UBE2L6: variants seen among roughly 807,000 people sequenced by gnomAD.
UBE2L6 encodes ubiquitin conjugating enzyme E2 L6.
A neutral mutation model predicts 13.6 loss-of-function variants in UBE2L6; 11 were observed. The ratio of observed to expected loss-of-function variants is 0.81; its 90% CI spans 0.51 to 1.34. The LOEUF is 1.34. Ranked by LOEUF, UBE2L6 falls within the 40% of genes most tolerant of loss-of-function variation. The probability of loss-of-function intolerance (pLI) is 0.00; values close to 1 mark genes in which losing one functional copy is unlikely to be tolerated. For missense variants in UBE2L6, 197 were observed against 199.5 expected (o/e 0.99, Z 0.07); for synonymous variants, 74 against 83.2 (o/e 0.89, Z 0.60).
chr11:57,556,721 T>C (rs1198013121), intron 2 of UBE2L6, among the ~76,000 whole-genome samples: 1 of 151,814 alleles, frequency 6.6e-6, no homozygotes, highest in Non-Finnish European at 1.5e-5. Context: ...GGCCAACAGC[T>C]GAGGCCTCAG....
chr11:57,564,460 A>G (rs1297824791), intron 1 of UBE2L6, among the ~76,000 whole-genome samples: 1 of 152,224 alleles, frequency 6.6e-6, no homozygotes, highest in Non-Finnish European at 1.5e-5. Flanking sequence ...AAGAAATGCT[A>G]AAAAGGAGTT....
chr11:57,567,214 C>T (rs1311594375), intron 1 of UBE2L6: 5 of 452,714 alleles, frequency 1.1e-5, no homozygotes, highest in Non-Finnish European at 2.2e-5. Flanking sequence ...GTTCATAACC[C>T]ACCACCAGCA....
Position 57,552,401 on chromosome 11 carries a change from G to A in UBE2L6, c.419C>T (p.Ala140Val). Reference protein sequence around the residue: ...TQNPELFRKNAEEFTLRFGVD... With the variant: ...TQNPELFRKNVEEFTLRFGVD... ...TCCGAATCGGAGGGTGAACTCTTCG[G>A]CATTCTTTCTGAACAGCTCCGGATT... Residue 140 changes from alanine to valine, a missense_variant, in exon 4 of 4, where the codon GCC becomes GTC. Ala to Val is a moderately conservative substitution (Grantham distance 64). Coordinates refer to ENST00000287156, the MANE Select transcript of UBE2L6 (RefSeq NM_004223.5). 1.2e-6 allele frequency: 2 copies of A among 1,614,208 alleles called. No homozygotes were observed. Among genetic ancestry groups the A allele is most frequent in the Non-Finnish European group, 1.7e-6 (2 of 1,180,034 alleles).
intron 1 of UBE2L6, chr11:57,566,975 A>C (rs878983225): frequency 2.6e-6 from 1 of 391,302 alleles, no homozygotes; most frequent in South Asian, 1.6e-5. Context: ...GAACAGGGCC[A>C]GCACATGTAG....
intron 1 of UBE2L6, among the ~76,000 whole-genome samples, chr11:57,562,771 T>C (rs907967583): frequency 6.6e-6 from 1 of 152,256 alleles, no homozygotes; most frequent in Non-Finnish European, 1.5e-5. Flanking sequence ...ACAGTGTTAC[T>C]AGGCTTGGAG....
chr11:57,567,591 C>G lies in UBE2L6; in HGVS notation c.21G>C (p.Val7=). Reference sequence around the variant, plus strand: ...TCATCCTATACGCGGTTACCTTCACCACTCGCATGCTCGCCATCATGTCGG... The same window carrying G: ...TCATCCTATACGCGGTTACCTTCACGACTCGCATGCTCGCCATCATGTCGG... MMASMR[V]VKELEDLQKK... is the part of the protein sequence containing the mutation. Residue 7 remains valine, a synonymous_variant, in exon 1 of 4, where the codon GTG becomes GTC. Coordinates refer to ENST00000287156, the MANE Select transcript of UBE2L6 (RefSeq NM_004223.5). 1 of 1,608,132 alleles carries G rather than the reference C, an allele frequency of 6.2e-7. No individual in the cohort carries two copies. The highest frequency in any genetic ancestry group is 1.3e-5 in the African/African-American group (1 of 75,036).
At chr11:57,555,338 G>A (rs1944989025) in intron 2 of UBE2L6, among the ~76,000 whole-genome samples, 3 of 152,112 alleles carry the variant, frequency 2.0e-5, no homozygotes, top group African/African-American at 4.8e-5. Flanking sequence ...GCTACAACAC[G>A]GATGAACCTT....
At chr11:57,567,692 C>A, upstream of UBE2L6, 1 of 1,510,360 alleles carries the variant, frequency 6.6e-7, no homozygotes, top group Non-Finnish European at 8.9e-7. Flanking sequence ...CGCCCCGCCC[C>A]GGGGACCCCA....
chr11:57,553,285 C>T (rs1421887919), intron 3 of UBE2L6, among the ~76,000 whole-genome samples: 4 of 152,174 alleles, frequency 2.6e-5, no homozygotes, highest in Non-Finnish European at 4.4e-5. Flanking sequence ...CTTGAACTCA[C>T]GAGTTTGAGA....
intron 2 of UBE2L6, among the ~76,000 whole-genome samples, chr11:57,555,568 G>A (rs1376311755): frequency 6.6e-6 from 1 of 151,966 alleles, no homozygotes; most frequent in Non-Finnish European, 1.5e-5. Flanking sequence ...TGATGGTTGT[G>A]CAACAATGTG....
intron 3 of UBE2L6, 140 bp from the exon 4 acceptor site, chr11:57,552,649 A>C (rs2135271936): frequency 9.2e-7 from 1 of 1,089,494 alleles, no homozygotes; most frequent in Non-Finnish European, 1.3e-6. Context: ...GACCAGATCA[A>C]ACGCCCCGCT....
At position 57,551,962 on chromosome 11, in the gene UBE2L6, C is replaced by T. The variant is rs886745313; in HGVS notation, c.*396G>A. The T allele has an allele frequency of 1.1e-5, 2 of 182,932 alleles. No homozygotes were observed. The highest frequency in any genetic ancestry group is 2.6e-4 in the South Asian group (2 of 7,642). 11.3% of individuals were successfully genotyped at this position (182,932 alleles called of 1,614,324 possible). On this transcript the variant is annotated 3_prime_UTR_variant, in exon 4 of 4. Coordinates refer to ENST00000287156, the MANE Select transcript of UBE2L6 (RefSeq NM_004223.5). ...ATCTGTCTCCCACCCATATGCTCCA[C>T]TGTCCCCAGGCCCTCAGTGCCTGAG...
intron 1 of UBE2L6, 120 bp downstream of exon 1, chr11:57,567,465 A>G: frequency 7.1e-7 from 1 of 1,407,648 alleles, no homozygotes; most frequent in Non-Finnish European, 9.8e-7. Context: ...GGATTCAGCC[A>G]GCCCTGGTGC....
At chr11:57,558,576 A>G (rs1428386556) in intron 2 of UBE2L6, among the ~76,000 whole-genome samples, 2 of 152,190 alleles carry the variant, frequency 1.3e-5, no homozygotes, top group African/African-American at 2.4e-5. Context: ...AGAGGATTCA[A>G]TATGACCTCA....
chr11:57,554,654 G>A (rs1944984271), intron 2 of UBE2L6, 31 bp from the exon 3 acceptor site: 1 of 1,612,990 alleles, frequency 6.2e-7, no homozygotes. Flanking sequence ...TCAAGCTCCA[G>A]TCTGGTTTTC....
At position 57,552,387 on chromosome 11, in the gene UBE2L6, G is replaced by C; in HGVS notation, c.433C>G (p.Leu145Val). The change falls in exon 4 of 4, where the codon CTC becomes GTC. Residue 145 changes from leucine (L) to valine (V), a missense_variant. By Grantham distance (32) the Leu-to-Val change is conservative. Coordinates refer to ENST00000287156, the MANE Select transcript of UBE2L6 (RefSeq NM_004223.5). ...LFRKNAEEFT[L>V]RFGVDRPS is the part of the protein sequence containing the mutation. Reference sequence around the variant, plus strand: ...GAGGGCCGGTCCACTCCGAATCGGAGGGTGAACTCTTCGGCATTCTTTCTG... The same window carrying C: ...GAGGGCCGGTCCACTCCGAATCGGACGGTGAACTCTTCGGCATTCTTTCTG... The C allele has an allele frequency of 6.2e-7, 1 of 1,614,214 alleles. No homozygotes were observed. Among genetic ancestry groups the C allele is most frequent in the Non-Finnish European group, 8.5e-7 (1 of 1,180,042 alleles).
chr11:57,552,025 C>T lies in UBE2L6; in HGVS notation c.*333G>A. On this transcript the variant is annotated 3_prime_UTR_variant, in exon 4 of 4. Coordinates refer to ENST00000287156, the MANE Select transcript of UBE2L6 (RefSeq NM_004223.5). ...TCGAGTTGGCTGCTGGATTCATTTC[C>T]TGCAAGCAGGCCTGCAAGGTGACCT... The T allele has an allele frequency of 3.8e-6, 1 of 259,814 alleles. No homozygotes were observed. Among genetic ancestry groups the T allele is most frequent in the Admixed American group, 5.1e-5 (1 of 19,708 alleles). The allele number at this position is 259,814 out of a possible 1,614,324, so 16.1% of individuals were successfully genotyped here. A position where few individuals can be genotyped will look rare whatever the true frequency, so the allele number is the denominator to read the frequency against.
chr11:57,557,067 C>CA (rs199843337), intron 2 of UBE2L6, among the ~76,000 whole-genome samples: 244 of 124,222 alleles, frequency 2.0e-3, no homozygotes, highest in East Asian at 2.3e-3. Flanking sequence ...ACTCTGTCAC[C>CA]AAAAAAAAAA....
intron 2 of UBE2L6, among the ~76,000 whole-genome samples, chr11:57,556,027 A>T (rs1182982714): frequency 6.6e-6 from 1 of 152,112 alleles, no homozygotes; most frequent in Non-Finnish European, 1.5e-5. Context: ...CCAGCAGAAG[A>T]CCCTCTAGAC....
Sources: gnomAD v4.1 joint callset for allele counts (sites outside exome capture counted in the v4.1 genomes callset) on GRCh38, gnomAD v4.1.1 for gene constraint, MANE v1.5 for transcripts, NCBI Gene and HGNC (gene_info 2026-07-23, HGNC 2026-07-21) for gene names.